SENP6: variants seen among roughly 807,000 people sequenced by gnomAD.
SENP6 encodes the protein SUMO specific peptidase 6, also known as sentrin-specific protease 6.
Under a neutral mutation model 134.5 loss-of-function variants are expected in SENP6, and 41 were observed. The observed-to-expected ratio is 0.30, with a 90% CI of 0.24 to 0.40. The LOEUF (loss-of-function observed/expected upper bound fraction) is 0.40, where lower values mean the gene tolerates loss of function less well. Among genes scored for constraint, SENP6 ranks in the 10% least tolerant of loss-of-function variants. SENP6 has a pLI of 1.00. For missense variants in SENP6, 1,248 were observed against 1,312.5 expected, an observed-to-expected ratio of 0.95 and a Z score of 0.76; for synonymous variants, 395 against 429.8, an observed-to-expected ratio of 0.92 and a Z score of 1.00.
At chr6:75,620,585 C>T (rs1768195701) in intron 1 of SENP6, 2 of 152,158 alleles carry the variant, frequency 1.3e-5, no homozygotes, top group South Asian at 4.1e-4. Flanking sequence ...CTCTTAATAC[C>T]ATCTGTATCT....
chr6:75,704,313 T>TA (rs1039415796), intron 19 of SENP6, among the ~76,000 whole-genome samples: 1 of 152,152 alleles, frequency 6.6e-6, no homozygotes, highest in African/African-American at 2.4e-5. Flanking sequence ...AGCAAGGTGA[T>TA]AATAGGGAGA....
intron 8 of SENP6, among the ~76,000 whole-genome samples, chr6:75,662,680 A>G (rs917154835): frequency 1.3e-5 from 2 of 152,192 alleles, no homozygotes. Context: ...AGCTGATGGA[A>G]GGCATATGGT....
intron 16 of SENP6, among the ~76,000 whole-genome samples, chr6:75,692,993 C>T (rs1391267797): frequency 2.4e-4 from 36 of 152,182 alleles, no homozygotes; most frequent in Admixed American, 2.4e-3. Flanking sequence ...ATGGCTTCAG[C>T]CCAGGAGGCG....
intron 16 of SENP6, among the ~76,000 whole-genome samples, chr6:75,691,745 C>T (rs1774289652): frequency 6.6e-6 from 1 of 152,114 alleles, no homozygotes; most frequent in Non-Finnish European, 1.5e-5. Flanking sequence ...CAGGCGCCTG[C>T]CACCAGGCCT....
chr6:75,639,686 A>G (rs557621877), intron 5 of SENP6, among the ~76,000 whole-genome samples: 4 of 152,238 alleles, frequency 2.6e-5, no homozygotes, highest in South Asian at 2.1e-4. Context: ...TGGAGTTTTC[A>G]TGAACTATGG....
At chr6:75,647,910 T>A in intron 7 of SENP6, 109 bp downstream of exon 7, 1 of 742,752 alleles carries the variant, frequency 1.3e-6, no homozygotes, top group Non-Finnish European at 2.1e-6. Flanking sequence ...AATAGATATA[T>A]ATGTAGAAAA....
At chr6:75,626,714 A>C (rs1389075006) in intron 3 of SENP6, among the ~76,000 whole-genome samples, 2 of 152,208 alleles carry the variant, frequency 1.3e-5, no homozygotes, top group African/African-American at 4.8e-5. Flanking sequence ...AGATACTGCC[A>C]AATTCCCTAT....
At chr6:75,638,606 ATATATATATATATATATTT>A (rs1769743168) in intron 5 of SENP6, among the ~76,000 whole-genome samples, 4 of 39,114 alleles carry the variant, frequency 1.0e-4, no homozygotes, top group African/African-American at 4.3e-4. Context: ...ATATATATAT[ATATATATATATATATATTT>A]TTTTTTTTTT....
In SENP6 at chr6:75,702,902, G is replaced by A. The variant is rs771752341; in HGVS notation, c.2546G>A (p.Arg849His). The A allele has an allele frequency of 2.3e-5, 37 of 1,613,874 alleles. No homozygotes were observed. The highest frequency in any genetic ancestry group is 2.8e-5 in the Non-Finnish European group (33 of 1,179,994). Reference sequence around the variant, plus strand: ...CCTGGGCAGGAAGAAAGTGACCCTCGTTATAAGAGAAACATATGCAGTGTA... The same window carrying A: ...CCTGGGCAGGAAGAAAGTGACCCTCATTATAAGAGAAACATATGCAGTGTA... ...SNPGQEESDP[R>H]YKRNICSVKY... Residue 849 changes from arginine to histidine, a missense_variant, in exon 19 of 24, where the codon CGT becomes CAT. Transcript: ENST00000447266.
intron 21 of SENP6, 32 bp from the exon 22 acceptor site, chr6:75,713,481 G>T: frequency 6.5e-7 from 1 of 1,538,294 alleles, no homozygotes; most frequent in Non-Finnish European, 9.0e-7. Flanking sequence ...ATATTATGAA[G>T]TATTCGACTT....
In SENP6 at chr6:75,709,592, G is replaced by A; in HGVS notation, c.2782G>A (p.Asp928Asn). The change falls in exon 20 of 24, where the codon GAT becomes AAT. Residue 928 changes from aspartate (D) to asparagine (N), a missense_variant. Coordinates refer to ENST00000447266, the MANE Select transcript of SENP6 (RefSeq NM_015571.4). ...ESPEAGKMLE[D>N]ELVDFSEDQD... ...ACCTGAAGCTGGTAAAATGCTTGAA[G>A]ATGAACTCGTCGACTTCTCAGAAGA... 1 of 1,614,030 alleles carries A rather than the reference G, an allele frequency of 6.2e-7. No individual in the cohort carries two copies. The highest frequency in any genetic ancestry group is 1.7e-4 in the Middle Eastern group (1 of 6,060).
At chr6:75,660,385 A>C (rs1366762462) in intron 8 of SENP6, among the ~76,000 whole-genome samples, 3 of 152,196 alleles carry the variant, frequency 2.0e-5, no homozygotes, top group Non-Finnish European at 1.5e-5. Context: ...AGTATTTCTT[A>C]TTCCATATTT....
intron 7 of SENP6, among the ~76,000 whole-genome samples, chr6:75,649,122 A>G (rs1209866883): frequency 6.6e-6 from 1 of 152,062 alleles, no homozygotes; most frequent in Admixed American, 6.5e-5. Context: ...CCTGGCCAAC[A>G]TGGCAAAACC....
chr6:75,647,481 C>G (rs1770542121), intron 6 of SENP6: 1 of 279,126 alleles, frequency 3.6e-6, no homozygotes, highest in South Asian at 4.4e-5. Flanking sequence ...GAATTGTCCT[C>G]AAGACAATCT....
chr6:75,688,156 T>C (rs1278148640), intron 16 of SENP6, among the ~76,000 whole-genome samples: 1 of 152,236 alleles, frequency 6.6e-6, no homozygotes, highest in Non-Finnish European at 1.5e-5. Context: ...CTCAGACCGC[T>C]GTGCTAGCAG....
At chr6:75,655,807 G>A (rs938416287) in intron 7 of SENP6, among the ~76,000 whole-genome samples, 12 of 151,874 alleles carry the variant, frequency 7.9e-5, no homozygotes, top group African/African-American at 2.9e-4. Context: ...TTTTTAACTT[G>A]ATTTTTTAAA....
At chr6:75,703,381 TATA>T (rs1400875417) in intron 19 of SENP6, among the ~76,000 whole-genome samples, 2 of 151,958 alleles carry the variant, frequency 1.3e-5, no homozygotes, top group Middle Eastern at 3.4e-3. Context: ...GAGGTATAAT[TATA>T]ATAGCATTCA....
chr6:75,663,808 GT>G (rs869230546), intron 9 of SENP6, among the ~76,000 whole-genome samples: 19 of 59,256 alleles, frequency 3.2e-4, no homozygotes, highest in South Asian at 2.2e-3. Context: ...CTGATAGTGG[GT>G]TTTTTTTTTT....
chr6:75,696,534 T>C (rs955137613), intron 17 of SENP6, among the ~76,000 whole-genome samples: 7 of 152,244 alleles, frequency 4.6e-5, no homozygotes, highest in African/African-American at 1.7e-4. Context: ...CTGGAGGGCA[T>C]TGGTGTGATC....
Sources: gnomAD v4.1 joint callset for allele counts (sites outside exome capture counted in the v4.1 genomes callset) on GRCh38, gnomAD v4.1.1 for gene constraint, MANE v1.5 for transcripts, NCBI Gene and HGNC (gene_info 2026-07-23, HGNC 2026-07-21) for gene names.